IFT52: variants seen among roughly 807,000 people sequenced by gnomAD.
The protein encoded by IFT52 is intraflagellar transport protein 52 homolog.
In IFT52, 44 loss-of-function variants were observed where a neutral mutation model predicts 54.4. That is an observed-to-expected ratio of 0.81 (90% CI 0.63 to 1.04). IFT52 has a LOEUF of 1.04. IFT52 is among the 50% of genes least tolerant of loss of function. The pLI is 0.00. For missense variants in IFT52, 452 were observed against 523.6 expected, an observed-to-expected ratio of 0.86 and a Z score of 1.33; for synonymous variants, 181 against 185.3, an observed-to-expected ratio of 0.98 and a Z score of 0.19.
At chr20:43,642,315 G>C in intron 12 of IFT52, 164 bp from the exon 13 acceptor site, 1 of 625,592 alleles carries the variant, frequency 1.6e-6, no homozygotes, top group South Asian at 2.1e-5. Flanking sequence ...GAGAGCTCTA[G>C]GGTTTTTCAG....
In IFT52 at chr20:43,628,312, C is replaced by T. The variant is rs538217301; in HGVS notation, c.923+4267C>T. Among the ~76,000 whole-genome samples, 25 of 152,236 alleles carry T rather than the reference C, an allele frequency of 1.6e-4. 1 individual carries two copies. The East Asian group carries it at 4.8e-3, about 29-fold the overall frequency. On this transcript the variant is annotated intron_variant, in intron 10 of 13. Coordinates refer to ENST00000373030, the MANE Select transcript of IFT52 (RefSeq NM_016004.5). ...CTGCCTTTCTTTCAGAGATGCCCTG[C>T]TCAGAGGGGAGGAATCTAGAGAGGC... is the stretch of plus-strand genomic sequence containing the variant.
chr20:43,638,383 G>A (rs1006111591), intron 12 of IFT52, among the ~76,000 whole-genome samples: 1 of 151,944 alleles, frequency 6.6e-6, no homozygotes, highest in African/African-American at 2.4e-5. Context: ...TAGAGATGGG[G>A]TTTTACCATG....
At chr20:43,607,265 AC>A (rs1187390987) in intron 6 of IFT52, among the ~76,000 whole-genome samples, 1 of 123,026 alleles carries the variant, frequency 8.1e-6, no homozygotes, top group Non-Finnish European at 1.6e-5. Context: ...CGGGGGGCTG[AC>A]CCCCCCACCT....
intron 2 of IFT52, 50 bp downstream of exon 2, chr20:43,594,867 G>T (rs773019549): frequency 1.1e-6 from 1 of 951,080 alleles, no homozygotes; most frequent in South Asian, 1.3e-5. Context: ...TTGTCCTGCT[G>T]ATAAAGCTGA....
At chr20:43,624,700 G>A (rs933012512) in intron 10 of IFT52, among the ~76,000 whole-genome samples, 2 of 152,120 alleles carry the variant, frequency 1.3e-5, no homozygotes, top group Non-Finnish European at 2.9e-5. Flanking sequence ...TAAAAGTACA[G>A]GACAGCGGGC....
At chr20:43,591,500 A>C (rs1981514206) in intron 1 of IFT52, among the ~76,000 whole-genome samples, 1 of 152,162 alleles carries the variant, frequency 6.6e-6, no homozygotes, top group Non-Finnish European at 1.5e-5. Flanking sequence ...GCTAAGTCTG[A>C]CAGTACAGGA....
At chr20:43,596,188 A>G (rs897521393) in intron 2 of IFT52, among the ~76,000 whole-genome samples, 1 of 152,230 alleles carries the variant, frequency 6.6e-6, no homozygotes, top group Non-Finnish European at 1.5e-5. Context: ...AGACTTCCTT[A>G]TGCTTTAGCA....
intron 10 of IFT52, among the ~76,000 whole-genome samples, chr20:43,629,992 A>G (rs1352440448): frequency 6.6e-6 from 1 of 152,174 alleles, no homozygotes; most frequent in Non-Finnish European, 1.5e-5. Context: ...AAATTATCTG[A>G]AAATGTGTTA....
At chr20:43,646,023 CAT>C (rs1986174207) in intron 13 of IFT52, among the ~76,000 whole-genome samples, 1 of 151,534 alleles carries the variant, frequency 6.6e-6, no homozygotes, top group Non-Finnish European at 1.5e-5. Context: ...TCCTGGCTAA[CAT>C]GTGAAACCCC....
rs1419410200 is a variant in IFT52, at chr20:43,613,929, G to C, written c.565G>C (p.Val189Leu). The change falls in exon 7 of 14, where the codon GTC (valine) becomes CTC (leucine). Residue 189 changes from valine (V) to leucine (L), a missense_variant. Physicochemically the swap from Val to Leu is conservative, Grantham distance 32. Transcript: ENST00000373030. Reference protein sequence around the residue: ...PAVAVLSTGSVCFPLNRPILA... With the variant: ...PAVAVLSTGSLCFPLNRPILA... ...AGTGGCGGTTCTGTCTACAGGTTCT[G>C]TCTGCTTCCCACTTAACAGACCCAT... 3 of 1,614,094 alleles carry C rather than the reference G, an allele frequency of 1.9e-6. No homozygotes were observed. In the Admixed American group the frequency reaches 5.0e-5, roughly 27 times the overall value.
chr20:43,616,667 T>C (rs182985886), intron 7 of IFT52, among the ~76,000 whole-genome samples: 312 of 152,262 alleles, frequency 2.0e-3, no homozygotes, highest in African/African-American at 7.2e-3. Context: ...TTCTCCTACT[T>C]TTGCTTTGCC....
intron 3 of IFT52, among the ~76,000 whole-genome samples, chr20:43,599,698 A>G (rs1982271216): frequency 1.3e-5 from 2 of 152,050 alleles, no homozygotes. Context: ...ACTTCCAGAA[A>G]CTTCTGTGAC....
At chr20:43,615,628 A>G (rs1600481470) in intron 7 of IFT52, among the ~76,000 whole-genome samples, 1 of 151,628 alleles carries the variant, frequency 6.6e-6, no homozygotes, top group African/African-American at 2.4e-5. Context: ...ACGTGATGAA[A>G]CCCCGTCTCT....
chr20:43,647,236 A>T lies in IFT52; in HGVS notation c.*253A>T. On this transcript the variant is annotated 3_prime_UTR_variant, in exon 14 of 14. Transcript: ENST00000373030. ...TTTTATACCCTATGAAACAGTCTTG[A>T]TTTTTTTTTCTCAACCCCAGTTCTG... 1 of 489,756 alleles carries T rather than the reference A, an allele frequency of 2.0e-6. No individual in the cohort carries two copies. Among genetic ancestry groups the T allele is most frequent in the South Asian group, 3.1e-5 (1 of 32,594 alleles). 30.3% of individuals were successfully genotyped at this position (489,756 alleles called of 1,614,324 possible).
At chr20:43,609,775 C>CAAAAA (rs57268776) in intron 6 of IFT52, among the ~76,000 whole-genome samples, 4 of 47,196 alleles carry the variant, frequency 8.5e-5, no homozygotes, top group East Asian at 5.4e-4. Flanking sequence ...AACTCCGTCT[C>CAAAAA]AAAAAAAAAA....
Position 43,594,710 on chromosome 20 carries a change from G to A in IFT52, c.12G>A (p.Glu4=), listed in dbSNP as rs138787768. Residue 4 remains glutamate, a synonymous_variant, in exon 2 of 14, where the codon GAG becomes GAA. Transcript: ENST00000373030. ...TCCATAAGGTAACCATGGAGAAAGA[G>A]CTGCGGAGCACCATTCTTTTCAATG... MEK[E]LRSTILFNAY... 4.4e-6 allele frequency: 7 copies of A among 1,591,416 alleles called. No homozygotes were observed. The highest frequency in any genetic ancestry group is 3.3e-4 in the Middle Eastern group (2 of 6,018).
Position 43,620,839 on chromosome 20 carries a change from C to CTTTTT in IFT52, c.700-12_700-8dup. Reference sequence around the variant, plus strand: ...AATAACCAACTGTCCTAATTATATACTTTTTTTTTTAATTTAGGATGTTGT... The same window carrying CTTTTT: ...AATAACCAACTGTCCTAATTATATACTTTTTTTTTTTTTTTAATTTAGGATGTTGT... On this transcript the variant is annotated splice_polypyrimidine_tract_variant and intron_variant, in intron 8 of 13. Coordinates refer to ENST00000373030, the MANE Select transcript of IFT52 (RefSeq NM_016004.5). The CTTTTT allele has an allele frequency of 7.8e-7, 1 of 1,281,982 alleles. No homozygotes were observed. The highest frequency in any genetic ancestry group is 1.4e-5 in the South Asian group (1 of 70,892). 79.4% of individuals were successfully genotyped at this position (1,281,982 alleles called of 1,614,324 possible).
chr20:43,597,943 G>A (rs1005245194), intron 3 of IFT52, among the ~76,000 whole-genome samples: 8 of 151,528 alleles, frequency 5.3e-5, no homozygotes, highest in African/African-American at 1.9e-4. Flanking sequence ...CCACTTCTGG[G>A]TATATGCCCA....
intron 3 of IFT52, among the ~76,000 whole-genome samples, chr20:43,603,026 A>T (rs1202058940): frequency 1.3e-5 from 2 of 152,218 alleles, no homozygotes; most frequent in African/African-American, 4.8e-5. Context: ...ATACATACAT[A>T]TTGAATGTAT....
Sources: gnomAD v4.1 joint callset for allele counts (sites outside exome capture counted in the v4.1 genomes callset) on GRCh38, gnomAD v4.1.1 for gene constraint, MANE v1.5 for transcripts, NCBI Gene and HGNC (gene_info 2026-07-23, HGNC 2026-07-21) for gene names.